The following LIPH variants were observed in gnomAD, a reference collection of about 807,000 sequenced individuals.
LIPH encodes lipase member H.
Under a neutral mutation model 47.6 loss-of-function variants are expected in LIPH, and 32 were observed. The ratio of observed to expected loss-of-function variants is 0.67; its 90% confidence interval spans 0.51 to 0.90. The LOEUF (loss-of-function observed/expected upper bound fraction) is 0.90, where lower values mean the gene tolerates loss of function less well. Ranked by LOEUF, LIPH falls within the 40% of genes least tolerant of loss-of-function variation. The pLI, the probability that LIPH is intolerant of heterozygous loss-of-function variation, is 0.00. For synonymous variants in LIPH, 190 were observed against 195.6 expected, an observed-to-expected ratio of 0.97 and a Z score of 0.24; for missense variants, 497 against 541.4, an observed-to-expected ratio of 0.92 and a Z score of 0.81.
chr3:185,548,730 G>GAAACA (rs1282286255), intron 1 of LIPH, among the ~76,000 whole-genome samples: 1 of 149,602 alleles, frequency 6.7e-6, no homozygotes, highest in Admixed American at 6.7e-5. Flanking sequence ...CTCCATCTCA[G>GAAACA]AAACAAAACA....
chr3:185,512,232 A>C (rs12233487), intron 8 of LIPH, among the ~76,000 whole-genome samples: 66,186 of 151,908 alleles, frequency 0.44, 14,629 homozygotes, highest in Middle Eastern at 0.47. Context: ...TTTAGCCAAA[A>C]TAGATGCTAA....
intron 1 of LIPH, among the ~76,000 whole-genome samples, chr3:185,547,143 A>C (rs1720901198): frequency 6.6e-6 from 1 of 152,200 alleles, no homozygotes; most frequent in Admixed American, 6.5e-5. Context: ...CGTCTCAAAA[A>C]AAAAAAAAAG....
chr3:185,525,516 G>A (rs617826), intron 4 of LIPH, among the ~76,000 whole-genome samples: 84,347 of 151,858 alleles, frequency 0.56, 23,689 homozygotes, highest in South Asian at 0.72. Flanking sequence ...GGTGGCTCAC[G>A]CCTGTAATCC....
chr3:185,529,954 GAA>G lies in LIPH; in HGVS notation c.527-2371_527-2370del, dbSNP rs869057362. On this transcript the variant is annotated intron_variant, in intron 3 of 9. Coordinates refer to ENST00000296252, the MANE Select transcript of LIPH (RefSeq NM_139248.3). ...AGAAAGAAAGAAAGAAAGAAAGAAAGAAAGAAAGAAGGAAAGAAAGAAAGAGA... is the reference window on the plus strand; with the variant it reads ...AGAAAGAAAGAAAGAAAGAAAGAAAGAGAAAGAAGGAAAGAAAGAAAGAGA... Among the ~76,000 whole-genome samples, 376 of 54,770 alleles carry G rather than the reference GAA, an allele frequency of 6.9e-3. 7 individuals carry two copies. The highest frequency in any genetic ancestry group is 0.016 in the South Asian group (21 of 1,298). The allele number at this position is 54,770 out of a possible 152,430, so 35.9% of individuals were successfully genotyped here.
At chr3:185,513,685 T>C (rs755091869) in intron 8 of LIPH, among the ~76,000 whole-genome samples, 5 of 152,124 alleles carry the variant, frequency 3.3e-5, no homozygotes, top group Non-Finnish European at 7.3e-5. Context: ...CAAGTGTTCA[T>C]TGATGGAAGA....
rs201868115 is a variant in LIPH at position 185,519,286 on chromosome 3, G to T, written c.742C>A (p.His248Asn). Residue 248 changes from histidine to asparagine, a missense_variant, in exon 6 of 10, where the codon CAC becomes AAC. Physicochemically the swap from His to Asn is moderately conservative, Grantham distance 68. Transcript: ENST00000296252. ...AGGTACAGGTATACAGACCTCTGGT[G>T]GTCACATTTAAAATACTGAAATCCT... ...LGGFQYFKCD[H>N]QRSVYLYLSS... is the part of the protein sequence containing the mutation. 57 of 1,613,100 alleles carry T rather than the reference G, an allele frequency of 3.5e-5. No homozygotes were observed. The East Asian group carries it at 1.2e-3, about 34-fold the overall frequency.
At chr3:185,541,940 A>G (rs1720726911) in intron 1 of LIPH, among the ~76,000 whole-genome samples, 1 of 151,522 alleles carries the variant, frequency 6.6e-6, no homozygotes, top group Admixed American at 6.6e-5. Context: ...TATTTTTAGT[A>G]GAGACAGGTT....
At chr3:185,535,156 T>G in intron 1 of LIPH, 24 bp from the exon 2 acceptor site, 1 of 1,612,304 alleles carries the variant, frequency 6.2e-7, no homozygotes, top group Non-Finnish European at 8.5e-7. Flanking sequence ...TTAGATGGCA[T>G]CACGACAGGT....
intron 1 of LIPH, among the ~76,000 whole-genome samples, chr3:185,542,782 T>G (rs967381406): frequency 6.6e-6 from 1 of 152,240 alleles, no homozygotes; most frequent in African/African-American, 2.4e-5. Flanking sequence ...GAATACTATG[T>G]GCTCATAAAA....
chr3:185,521,058 G>T (rs564205800), intron 5 of LIPH, among the ~76,000 whole-genome samples: 9 of 151,964 alleles, frequency 5.9e-5, no homozygotes, highest in Non-Finnish European at 1.3e-4. Flanking sequence ...AGTAGATACA[G>T]GGTTTCACCA....
At chr3:185,520,640 G>C (rs987442444) in intron 5 of LIPH, among the ~76,000 whole-genome samples, 2 of 151,948 alleles carry the variant, frequency 1.3e-5, no homozygotes, top group Non-Finnish European at 2.9e-5. Context: ...TTCAGTCATG[G>C]AGCTCTCTCA....
chr3:185,514,566 C>A (rs768529245), intron 7 of LIPH, 45 bp from the exon 8 acceptor site: 2 of 807,688 alleles, frequency 2.5e-6, no homozygotes, highest in African/African-American at 3.4e-5. Flanking sequence ...ATACTACCAA[C>A]TGATCCCCTG....
At chr3:185,538,846 CATAT>C (rs1279385022) in intron 1 of LIPH, among the ~76,000 whole-genome samples, 1 of 87,554 alleles carries the variant, frequency 1.1e-5, no homozygotes, top group Non-Finnish European at 2.4e-5. Context: ...CATATATACA[CATAT>C]ATATACATAT....
At chr3:185,515,978 A>G (rs1719718259) in intron 7 of LIPH, among the ~76,000 whole-genome samples, 1 of 152,136 alleles carries the variant, frequency 6.6e-6, no homozygotes, top group Admixed American at 6.5e-5. Flanking sequence ...AGAAACAAAA[A>G]AAACAGTTAG....
intron 1 of LIPH, among the ~76,000 whole-genome samples, chr3:185,548,525 C>A (rs894177310): frequency 2.0e-5 from 3 of 150,956 alleles, no homozygotes; most frequent in Admixed American, 6.6e-5. Flanking sequence ...GTCAGGAGTT[C>A]GAGACCAGCC....
intron 5 of LIPH, among the ~76,000 whole-genome samples, chr3:185,519,769 G>A (rs1329924311): frequency 1.3e-5 from 2 of 149,168 alleles, no homozygotes; most frequent in South Asian, 2.1e-4. Context: ...CCTGGGAGGC[G>A]GAGGTTGCAG....
intron 6 of LIPH, among the ~76,000 whole-genome samples, chr3:185,517,788 G>C (rs1577667352): frequency 6.6e-6 from 1 of 152,106 alleles, no homozygotes; most frequent in African/African-American, 2.4e-5. Context: ...CACAATCAAG[G>C]TTGAGAACCC....
intron 6 of LIPH, among the ~76,000 whole-genome samples, chr3:185,518,085 A>G (rs1279944931): frequency 6.6e-6 from 1 of 152,068 alleles, no homozygotes; most frequent in African/African-American, 2.4e-5. Flanking sequence ...CTCCCAGCAG[A>G]GAGGTTGTAA....
intron 1 of LIPH, among the ~76,000 whole-genome samples, chr3:185,546,497 T>TAA (rs879310110): frequency 2.7e-5 from 4 of 146,028 alleles, no homozygotes; most frequent in African/African-American, 1.0e-4. Flanking sequence ...CCCATCTCTT[T>TAA]AAAAAAAAAA....
Sources: gnomAD v4.1 joint callset for allele counts (sites outside exome capture counted in the v4.1 genomes callset) on GRCh38, gnomAD v4.1.1 for gene constraint, MANE v1.5 for transcripts, NCBI Gene and HGNC (gene_info 2026-07-23, HGNC 2026-07-21) for gene names.